The following DMD variants were observed in gnomAD, a reference collection of about 807,000 sequenced individuals.
DMD encodes the protein mutant dystrophin.
A neutral mutation model predicts 330.1 loss-of-function variants in DMD; 63 were observed. The ratio of observed to expected loss-of-function variants is 0.19; its 90% confidence interval spans 0.16 to 0.24. The LOEUF (loss-of-function observed/expected upper bound fraction) is 0.24, where lower values mean the gene tolerates loss of function less well. Ranked by LOEUF, DMD falls within the 10% of genes least tolerant of loss-of-function variation. DMD has a pLI of 1.00. For missense variants in DMD, 3,344 were observed against 2,684.1 expected (o/e 1.25, Z -5.43); for synonymous variants, 1,223 against 959.8 (o/e 1.27, Z -5.07).
At chrX:31,837,982 T>C (rs1734723994) in intron 48 of DMD, among the ~76,000 whole-genome samples, 1 of 112,368 alleles carries the variant, frequency 8.9e-6, no homozygotes, top group South Asian at 3.7e-4. Context: ...AAATTTCACT[T>C]CCTTTATAAC....
intron 13 of DMD, among the ~76,000 whole-genome samples, chrX:32,580,123 C>T (rs764859300): frequency 3.6e-5 from 4 of 110,263 alleles, no homozygotes; most frequent in Admixed American, 9.7e-5. Context: ...AGCATTCCAG[C>T]GTAACAGTGT....
At chrX:32,214,456 A>G (rs1003948443) in intron 44 of DMD, among the ~76,000 whole-genome samples, 1 of 111,465 alleles carries the variant, frequency 9.0e-6, no homozygotes, top group Non-Finnish European at 1.9e-5. Flanking sequence ...TTTATTCTTC[A>G]TCTGAGTCTT....
intron 20 of DMD, among the ~76,000 whole-genome samples, chrX:32,489,786 T>C (rs930605951): frequency 8.9e-6 from 1 of 111,930 alleles, no homozygotes; most frequent in African/African-American, 3.2e-5. Context: ...TAACATCAGA[T>C]TTTTGTGGCA....
At chrX:33,271,904 G>A (rs1335667332) in intron 1 of DMD, among the ~76,000 whole-genome samples, 3 of 110,248 alleles carry the variant, frequency 2.7e-5, no homozygotes, top group Admixed American at 9.6e-5. Flanking sequence ...TTTTTTTTGA[G>A]ACAGAGTCTC....
At chrX:32,153,625 A>G (rs2096816443) in intron 44 of DMD, among the ~76,000 whole-genome samples, 3 of 112,187 alleles carry the variant, frequency 2.7e-5, no homozygotes, top group Admixed American at 1.9e-4. Flanking sequence ...GAACTTCACA[A>G]CCAAGACTAT....
At chrX:33,041,783 T>C in intron 1 of DMD, 5 of 1,061,591 alleles carry the variant, frequency 4.7e-6, no homozygotes, top group Non-Finnish European at 6.5e-6. Flanking sequence ...CAATCCATTA[T>C]TTTTGACCAC....
intron 44 of DMD, among the ~76,000 whole-genome samples, chrX:31,993,006 G>A (rs1034318983): frequency 5.4e-5 from 6 of 111,787 alleles, no homozygotes; most frequent in Middle Eastern, 4.6e-3. Context: ...CTAAGCAGAA[G>A]CGTGGTGGAT....
At chrX:32,755,872 A>G (rs2071441940) in intron 7 of DMD, among the ~76,000 whole-genome samples, 1 of 111,856 alleles carries the variant, frequency 8.9e-6, no homozygotes, top group Admixed American at 9.5e-5. Context: ...TGCTATATTA[A>G]CTGCTCCACT....
At chrX:32,392,994 A>G (rs2098014867) in intron 30 of DMD, among the ~76,000 whole-genome samples, 1 of 112,270 alleles carries the variant, frequency 8.9e-6, no homozygotes, top group Non-Finnish European at 1.9e-5. Context: ...AAAATCACAT[A>G]AGAAACCACA....
At chrX:31,298,619 T>C (rs1433820514) in intron 62 of DMD, among the ~76,000 whole-genome samples, 1 of 112,323 alleles carries the variant, frequency 8.9e-6, no homozygotes, top group African/African-American at 3.2e-5. Context: ...CTATTTTCCA[T>C]GAATTAAATT....
intron 7 of DMD, among the ~76,000 whole-genome samples, chrX:32,783,180 T>C (rs1222736396): frequency 1.1e-5 from 1 of 95,176 alleles, no homozygotes; most frequent in African/African-American, 3.6e-5. Flanking sequence ...TATACACACA[T>C]ATATACCATA....
chrX:31,580,771 G>T (rs961763967), intron 55 of DMD, among the ~76,000 whole-genome samples: 2 of 111,750 alleles, frequency 1.8e-5, no homozygotes, highest in African/African-American at 6.5e-5. Context: ...TCCTAAGAAA[G>T]GAGGATGACA....
intron 50 of DMD, among the ~76,000 whole-genome samples, chrX:31,786,416 AT>A (rs1046601489): frequency 2.7e-5 from 3 of 111,604 alleles, no homozygotes; most frequent in Admixed American, 9.5e-5. Flanking sequence ...TTTAAAAGAG[AT>A]TTTTTTGAGT....
intron 17 of DMD, among the ~76,000 whole-genome samples, chrX:32,543,665 G>A (rs2048699347): frequency 8.9e-6 from 1 of 112,057 alleles, no homozygotes; most frequent in Non-Finnish European, 1.9e-5. Context: ...GTGCCATTAT[G>A]CTTTTCACTC....
intron 44 of DMD, among the ~76,000 whole-genome samples, chrX:32,020,467 T>C (rs994399907): frequency 1.8e-5 from 2 of 111,792 alleles, no homozygotes; most frequent in African/African-American, 6.5e-5. Flanking sequence ...CAAGTGGAGG[T>C]AGGGCCTTTA....
intron 17 of DMD, among the ~76,000 whole-genome samples, chrX:32,524,122 G>C (rs1205862428): frequency 1.8e-5 from 2 of 109,337 alleles, no homozygotes; most frequent in African/African-American, 6.7e-5. Context: ...TTTTAGTAGA[G>C]ATGTGGTTTC....
intron 66 of DMD, 46 bp from the exon 67 acceptor site, chrX:31,204,164 T>C (rs1250330768): frequency 1.8e-6 from 2 of 1,139,406 alleles, no homozygotes; most frequent in Non-Finnish European, 2.4e-6. Context: ...ACAGCACCCA[T>C]GGATGCCAGC....
intron 1 of DMD, among the ~76,000 whole-genome samples, chrX:33,218,472 G>C (rs978083052): frequency 1.3e-3 from 147 of 110,821 alleles, no homozygotes; most frequent in Non-Finnish European, 1.9e-3. Context: ...GAAATCCTCT[G>C]CCATTTGAAC....
intron 4 of DMD, among the ~76,000 whole-genome samples, chrX:32,832,671 C>A (rs2079249324): frequency 8.9e-6 from 1 of 111,835 alleles, no homozygotes. Context: ...AAAGTAGTTT[C>A]ATTGCCCTGC....
Sources: allele counts gnomAD v4.1 joint callset (sites outside exome capture counted in the v4.1 genomes callset), GRCh38; gene constraint gnomAD v4.1.1; transcripts MANE v1.5; gene names NCBI Gene and HGNC (gene_info 2026-07-23, HGNC 2026-07-21).